SLC36A1: variants seen among roughly 807,000 people sequenced by gnomAD.
SLC36A1 encodes solute carrier family 36 member 1.
SLC36A1 carries 30 observed loss-of-function variants against 47.5 expected under a neutral mutation model. The ratio of observed to expected loss-of-function variants is 0.63; its 90% CI spans 0.47 to 0.86. The LOEUF (loss-of-function observed/expected upper bound fraction) is 0.86, where lower values mean the gene tolerates loss of function less well. SLC36A1 is among the 40% of genes least tolerant of loss of function. The pLI, the probability that SLC36A1 is intolerant of heterozygous loss-of-function variation, is 0.00. For missense variants in SLC36A1, 517 were observed against 606.0 expected, an observed-to-expected ratio of 0.85 and a Z score of 1.54; for synonymous variants, 255 against 249.7, an observed-to-expected ratio of 1.02 and a Z score of -0.20.
chr5:151,524,460 C>T, the SLC36A1 span, among the ~76,000 whole-genome samples: 3 of 152,196 alleles, frequency 2.0e-5, no homozygotes, highest in African/African-American at 7.2e-5. Context: ...GAGAAGCCGA[C>T]AGTCTGCCAT....
At chr5:151,467,431 T>C (rs981644918) in intron 6 of SLC36A1, 148 bp downstream of exon 6, 1 of 657,442 alleles carries the variant, frequency 1.5e-6, no homozygotes, top group Non-Finnish European at 2.6e-6. Flanking sequence ...GATCTACGTC[T>C]TCTATTTGAT....
the SLC36A1 span, among the ~76,000 whole-genome samples, chr5:151,405,733 C>T: frequency 6.6e-5 from 10 of 151,886 alleles, no homozygotes; most frequent in Non-Finnish European, 1.2e-4. Context: ...TTGGATGGGG[C>T]TTTTTGTTTC....
the SLC36A1 span, among the ~76,000 whole-genome samples, chr5:151,552,621 A>G: frequency 6.6e-6 from 1 of 152,248 alleles, no homozygotes; most frequent in African/African-American, 2.4e-5. Flanking sequence ...AGCGTTCGTC[A>G]GATTCCTGAA....
At position 151,473,656 on chromosome 5, in the gene SLC36A1, T is replaced by C. The variant is rs775798747; in HGVS notation, c.724-17T>C. The C allele has an allele frequency of 3.6e-6, 5 of 1,372,928 alleles. No individual in the cohort carries two copies. In the East Asian group the frequency reaches 1.2e-4, roughly 33 times the overall value. The allele number at this position is 1,372,928 out of a possible 1,614,324, so 85.0% of individuals were successfully genotyped here. On this transcript the variant is annotated splice_polypyrimidine_tract_variant and intron_variant, in intron 7 of 10. Coordinates refer to ENST00000243389, the MANE Select transcript of SLC36A1 (RefSeq NM_078483.4). ...CCTTTTGCTTTGTTTTGCTTTGTTT[T>C]GCTTTCTGTCTTTCAGAGGATCCCA... is the stretch of plus-strand genomic sequence containing the variant.
the SLC36A1 span, among the ~76,000 whole-genome samples, chr5:151,413,102 G>A: frequency 1.5e-4 from 22 of 150,618 alleles, 1 homozygote; most frequent in African/African-American, 5.4e-4. Context: ...TTTGTTCACG[G>A]CTGTATTACC....
chr5:151,522,220 G>A, the SLC36A1 span: 1 of 627,890 alleles, frequency 1.6e-6, no homozygotes, highest in South Asian at 2.9e-5. Flanking sequence ...GCGCATTGTT[G>A]CATTTAGAAA....
chr5:151,437,923 G>A (rs992016327), intron 1 of SLC36A1, among the ~76,000 whole-genome samples: 11 of 152,082 alleles, frequency 7.2e-5, no homozygotes, highest in African/African-American at 2.2e-4. Flanking sequence ...GGCCTCCTGC[G>A]TTTCCTTGGC....
chr5:151,421,174 C>CCTTCCTTCCT, the SLC36A1 span, among the ~76,000 whole-genome samples: 2,037 of 138,880 alleles, frequency 0.015, 55 homozygotes, highest in African/African-American at 0.032. Context: ...CGCCCTTTCT[C>CCTTCCTTCCT]TCCTTCCTTC....
chr5:151,520,568 G>T, the SLC36A1 span, among the ~76,000 whole-genome samples: 7 of 152,156 alleles, frequency 4.6e-5, no homozygotes, highest in Admixed American at 1.3e-4. Flanking sequence ...CGTTGATCTG[G>T]GGCTTATTGT....
the SLC36A1 span, among the ~76,000 whole-genome samples, chr5:151,402,199 C>A: frequency 6.6e-6 from 1 of 152,136 alleles, no homozygotes; most frequent in South Asian, 2.1e-4. Context: ...AATTATGAAA[C>A]AATGTTGGAT....
rs991561040 is a variant in SLC36A1 at position 151,479,720 on chromosome 5, T to C, written c.1159+231T>C. On this transcript the variant is annotated intron_variant, in intron 10 of 10. Transcript: ENST00000243389. ...ATGAGGACAGTGGTTTATGTATAGA[T>C]AGGGTATGAAATGCTGTGGAGGTGG... The C allele has an allele frequency of 1.4e-5, 8 of 555,526 alleles. No homozygotes were observed. The African/African-American group carries it at 1.5e-4, about 10-fold the overall frequency. 34.4% of individuals were successfully genotyped at this position (555,526 alleles called of 1,614,324 possible).
chr5:151,512,585 G>C, the SLC36A1 span: 1 of 1,610,784 alleles, frequency 6.2e-7, no homozygotes, highest in Non-Finnish European at 8.5e-7. This position sits in a 1 kb window ranked among gnomAD's most constrained non-coding sequence, Gnocchi z 4.1. Flanking sequence ...TGGTATTCCA[G>C]CTGGGGCACT....
At chr5:151,348,430 C>T in the SLC36A1 span, among the ~76,000 whole-genome samples, 1 of 152,174 alleles carries the variant, frequency 6.6e-6, no homozygotes, top group African/African-American at 2.4e-5. Context: ...TGACTCAAGC[C>T]ATACCACTCT....
intron 8 of SLC36A1, among the ~76,000 whole-genome samples, 183 bp from the exon 9 acceptor site, chr5:151,476,407 G>A (rs754451329): frequency 6.6e-6 from 1 of 152,238 alleles, no homozygotes; most frequent in African/African-American, 2.4e-5. Context: ...GCAGTGGGCT[G>A]CAGAGTCCCT....
intron 6 of SLC36A1, among the ~76,000 whole-genome samples, 167 bp downstream of exon 6, chr5:151,467,450 A>G (rs1347365746): frequency 6.6e-6 from 1 of 152,216 alleles, no homozygotes; most frequent in Non-Finnish European, 1.5e-5. Flanking sequence ...ATTCCCATGG[A>G]AAGAGCTCGG....
intron 7 of SLC36A1, chr5:151,470,821 G>A (rs919920598): frequency 1.3e-5 from 2 of 152,176 alleles, no homozygotes; most frequent in South Asian, 4.1e-4. Flanking sequence ...TCATGCACGT[G>A]CCATTGTAGG....
In SLC36A1 at chr5:151,490,851, A is replaced by G. The variant is rs1000539169; in HGVS notation, c.*2597A>G. 3 of 152,332 alleles carry G rather than the reference A, an allele frequency of 2.0e-5. No homozygotes were observed. The highest frequency in any genetic ancestry group is 7.2e-5 in the African/African-American group (3 of 41,438). 9.4% of individuals were successfully genotyped at this position (152,332 alleles called of 1,614,324 possible). ...AGGAAGCCCTTCCTCCTCTTATGCA[A>G]GCAGCTCGCAGCCAGCCCAGAATCT... On this transcript the variant is annotated 3_prime_UTR_variant, in exon 11 of 11. Coordinates refer to ENST00000243389, the MANE Select transcript of SLC36A1 (RefSeq NM_078483.4).
chr5:151,512,423 G>A, the SLC36A1 span: 14 of 1,614,136 alleles, frequency 8.7e-6, no homozygotes, highest in East Asian at 4.5e-5. The surrounding 1 kb of genome is among the most constrained non-coding windows in gnomAD (Gnocchi z 4.1). Context: ...CTCAGACCAC[G>A]GCAGTTCTCT....
chr5:151,422,511 T>C, the SLC36A1 span, among the ~76,000 whole-genome samples: 1 of 152,084 alleles, frequency 6.6e-6, no homozygotes, highest in Non-Finnish European at 1.5e-5. Flanking sequence ...CGGCAGAGTA[T>C]TCAGTCTTCC....
Sources: gnomAD v4.1 joint callset for allele counts (sites outside exome capture counted in the v4.1 genomes callset) on GRCh38, gnomAD v4.1.1 for gene constraint, Gnocchi (gnomAD v3.1) non-coding constraint, MANE v1.5 for transcripts, NCBI Gene and HGNC (gene_info 2026-07-23, HGNC 2026-07-21) for gene names.